RPL37A: variants seen among roughly 807,000 people sequenced by gnomAD.
The protein encoded by RPL37A is ribosomal protein L37a, also known as large ribosomal subunit protein eL43.
Under a neutral mutation model 13.6 loss-of-function variants are expected in RPL37A, and 5 were observed. The ratio of observed to expected loss-of-function variants is 0.37; its 90% CI spans 0.19 to 0.78. RPL37A has a LOEUF of 0.78. Among genes scored for constraint, RPL37A ranks in the 30% least tolerant of loss-of-function variants. The pLI is 0.49. For missense variants in RPL37A, 77 were observed against 120.0 expected, an observed-to-expected ratio of 0.64 and a Z score of 1.67; for synonymous variants, 50 against 44.4, an observed-to-expected ratio of 1.13 and a Z score of -0.50.
chr2:216,498,952 C>T lies in RPL37A; in HGVS notation c.3+75C>T, dbSNP rs371042568. 600 of 1,579,306 alleles carry T rather than the reference C, an allele frequency of 3.8e-4. 1 individual carries two copies. Among genetic ancestry groups the T allele is most frequent in the Middle Eastern group, 3.5e-3 (21 of 5,984 alleles). On this transcript the variant is annotated intron_variant, in intron 1 of 3. Transcript: ENST00000491306. ...CCTTGTTTTCTTCTCCCGCACCCAT[C>T]TCCTCTCCTGCCTTACCCCGTGTTC... is the stretch of plus-strand genomic sequence containing the variant.
In RPL37A at chr2:216,502,020, A is replaced by T. The variant is rs1456684520; in HGVS notation, c.*616A>T. On this transcript the variant is annotated 3_prime_UTR_variant, in exon 4 of 4. Coordinates refer to ENST00000491306, the MANE Select transcript of RPL37A (RefSeq NM_000998.5). ...TGTGAGCCACCACGCCCAGCCTTGC[A>T]TTTAATATTTTTATAATGTGTCTAG... is the stretch of plus-strand genomic sequence containing the variant. 1 of 152,112 alleles carries T rather than the reference A, an allele frequency of 6.6e-6. No individual in the cohort carries two copies. Among genetic ancestry groups the T allele is most frequent in the Non-Finnish European group, 1.5e-5 (1 of 68,036 alleles). The allele number at this position is 152,112 out of a possible 1,614,324, so 9.4% of individuals were successfully genotyped here. A position where few individuals can be genotyped will look rare whatever the true frequency, so the allele number is the denominator to read the frequency against.
rs761666227 is a variant in RPL37A at position 216,499,367 on chromosome 2, A to G, written c.101A>G (p.His34Arg). The part of the protein sequence containing the change: ...KMVKKIEISQ[H>R]AKYTCSFCGK... ...GTGAAGAAAATTGAAATCAGCCAGC[A>G]CGCCAAGTACACTTGCTCTTTCTGT... The change falls in exon 2 of 4, where the codon CAC becomes CGC. Residue 34 changes from histidine (H) to arginine (R), a missense_variant. Around this residue, in one of 3 missense-constraint regions of RPL37A, gnomAD observed 59 missense variants for 65.5 expected, o/e 0.90. Coordinates refer to ENST00000491306, the MANE Select transcript of RPL37A (RefSeq NM_000998.5). 1.2e-6 allele frequency: 2 copies of G among 1,614,156 alleles called. No homozygotes were observed. The highest frequency in any genetic ancestry group is 1.7e-6 in the Non-Finnish European group (2 of 1,180,018).
In RPL37A at chr2:216,500,313, A is replaced by G. The variant is rs926610250; in HGVS notation, c.215+282A>G. 21 of 455,396 alleles carry G rather than the reference A, an allele frequency of 4.6e-5. No homozygotes were observed. The Admixed American group carries it at 5.0e-4, about 11-fold the overall frequency. The allele number at this position is 455,396 out of a possible 1,614,324, so 28.2% of individuals were successfully genotyped here. A position where few individuals can be genotyped will look rare whatever the true frequency, so the allele number is the denominator to read the frequency against. ...CATTGTCATGATACTGTGCAGGTCCATTAGTGGGGCTGAATCTACTGAACG... is the reference window on the plus strand; with the variant it reads ...CATTGTCATGATACTGTGCAGGTCCGTTAGTGGGGCTGAATCTACTGAACG... On this transcript the variant is annotated intron_variant, in intron 3 of 3. Transcript: ENST00000491306.
chr2:216,499,499 C>A, intron 2 of RPL37A, 101 bp downstream of exon 2: 1 of 1,380,948 alleles, frequency 7.2e-7, no homozygotes, highest in Non-Finnish European at 9.8e-7. Flanking sequence ...TGCTGGTGGG[C>A]AGTTGGAATT....
intron 1 of RPL37A, 85 bp downstream of exon 1, chr2:216,498,962 G>A (rs1695548846): frequency 1.9e-6 from 3 of 1,558,920 alleles, no homozygotes; most frequent in Admixed American, 3.4e-5. Flanking sequence ...CTCCTCTCCT[G>A]CCTTACCCCG....
chr2:216,501,872 C>T lies in RPL37A; in HGVS notation c.*468C>T, dbSNP rs1695604363. ...AGCTGGGATTACAGGCACGCACCAC[C>T]ATACCTGGCTAATTTTTGTATTTTG... On this transcript the variant is annotated 3_prime_UTR_variant, in exon 4 of 4. Transcript: ENST00000491306. 6.5e-6 allele frequency: 1 copy of T among 154,414 alleles called. No individual in the cohort carries two copies. The highest frequency in any genetic ancestry group is 1.4e-5 in the Non-Finnish European group (1 of 69,730). 9.6% of individuals were successfully genotyped at this position (154,414 alleles called of 1,614,324 possible).
In RPL37A at chr2:216,499,449, C is replaced by A. The variant is rs772830320; in HGVS notation, c.132+51C>A. On this transcript the variant is annotated intron_variant, in intron 2 of 3. Coordinates refer to ENST00000491306, the MANE Select transcript of RPL37A (RefSeq NM_000998.5). ...GAGGAGAGGGAGGGCAGGTTTCTTA[C>A]CCAAGTGAGGCCTGACTTCAAGGTA... 46 of 1,600,586 alleles carry A rather than the reference C, an allele frequency of 2.9e-5. No individual in the cohort carries two copies. The South Asian group carries it at 5.1e-4, about 18-fold the overall frequency.
At chr2:216,499,231 TC>T in intron 1 of RPL37A, 38 bp from the exon 2 acceptor site, 1 of 1,596,642 alleles carries the variant, frequency 6.3e-7, no homozygotes, top group Non-Finnish European at 8.5e-7. Context: ...CTGCCTGGGT[TC>T]CAGGTCTATC....
At chr2:216,499,474 A>G (rs1695558871) in intron 2 of RPL37A, 76 bp downstream of exon 2, 4 of 1,550,642 alleles carry the variant, frequency 2.6e-6, no homozygotes, top group Non-Finnish European at 3.5e-6. Context: ...ACTTCAAGGT[A>G]TTTTATAAGC....
chr2:216,499,454 G>A lies in RPL37A; in HGVS notation c.132+56G>A. On this transcript the variant is annotated intron_variant, in intron 2 of 3. Coordinates refer to ENST00000491306, the MANE Select transcript of RPL37A (RefSeq NM_000998.5). ...GAGGGAGGGCAGGTTTCTTACCCAA[G>A]TGAGGCCTGACTTCAAGGTATTTTA... 3.1e-6 allele frequency: 5 copies of A among 1,595,484 alleles called. No individual in the cohort carries two copies. The Admixed American group carries it at 6.9e-5, about 22-fold the overall frequency.
intron 2 of RPL37A, 150 bp from the exon 3 acceptor site, chr2:216,499,799 C>G (rs1296344810): frequency 2.7e-6 from 2 of 749,144 alleles, no homozygotes; most frequent in Middle Eastern, 2.2e-4. Flanking sequence ...GTGCAAAATA[C>G]TGCATTACAG....
chr2:216,503,285 G>A lies in RPL37A; in HGVS notation c.*1881G>A, dbSNP rs1048027969. The A allele has an allele frequency of 3.3e-5, 5 of 152,184 alleles. No homozygotes were observed. The highest frequency in any genetic ancestry group is 2.6e-4 in the Admixed American group (4 of 15,266). 9.4% of individuals were successfully genotyped at this position (152,184 alleles called of 1,614,324 possible). ...TGCTTCAGTTTCCTGTATAATTCTT[G>A]GTAGTAGAATGGAGTATATGCTGGG... is the stretch of plus-strand genomic sequence containing the variant. On this transcript the variant is annotated 3_prime_UTR_variant, in exon 4 of 4. Coordinates refer to ENST00000491306, the MANE Select transcript of RPL37A (RefSeq NM_000998.5).
chr2:216,501,105 C>T (rs964587104), intron 3 of RPL37A: 3 of 378,328 alleles, frequency 7.9e-6, no homozygotes. Flanking sequence ...AGGCATGGCT[C>T]TTAAAGGATG....
At chr2:216,499,236 G>A (rs759764209) in intron 1 of RPL37A, 34 bp from the exon 2 acceptor site, 10 of 1,601,960 alleles carry the variant, frequency 6.2e-6, no homozygotes, top group Admixed American at 3.4e-5. Context: ...TGGGTTCCAG[G>A]TCTATCACTG....
chr2:216,501,025 A>T (rs893506946), intron 3 of RPL37A: 49 of 175,020 alleles, frequency 2.8e-4, no homozygotes, highest in East Asian at 1.9e-3. Flanking sequence ...AGTTACTTAT[A>T]AAAAAAAAAG....
At chr2:216,499,077 G>C (rs926913301) in intron 1 of RPL37A, 193 bp from the exon 2 acceptor site, 2 of 1,141,204 alleles carry the variant, frequency 1.8e-6, no homozygotes, top group Non-Finnish European at 2.5e-6. Flanking sequence ...CTCCAGCCGG[G>C]TTAACGCCGG....
rs1695599547 is a variant in RPL37A, at chr2:216,501,463, C to CA, written c.*63dup. 1.5e-5 allele frequency: 19 copies of CA among 1,242,010 alleles called. No individual in the cohort carries two copies. In the South Asian group the frequency reaches 2.4e-4, roughly 16 times the overall value. The allele number at this position is 1,242,010 out of a possible 1,614,324, so 76.9% of individuals were successfully genotyped here. ...ATAATAAATGGGTTAATTTATGTAA[C>CA]AAAATTGCCTTGGCTTGTTAACTTT... On this transcript the variant is annotated 3_prime_UTR_variant, in exon 4 of 4. Coordinates refer to ENST00000491306, the MANE Select transcript of RPL37A (RefSeq NM_000998.5).
chr2:216,500,053 A>G (rs750709420), intron 3 of RPL37A, 22 bp downstream of exon 3: 2 of 1,601,108 alleles, frequency 1.2e-6, no homozygotes, highest in Non-Finnish European at 1.7e-6. Flanking sequence ...TCCTTGTGGT[A>G]TTTGGAAGTG....
rs1384376147 is a variant in RPL37A, at chr2:216,503,025, A to AG, written c.*1625dup. ...TGTGAAGCAAGTACTGTGGGTCAGT[A>AG]GGGGTAGGACCAGGAGTGACAAGTC... is the stretch of plus-strand genomic sequence containing the variant. On this transcript the variant is annotated 3_prime_UTR_variant, in exon 4 of 4. Coordinates refer to ENST00000491306, the MANE Select transcript of RPL37A (RefSeq NM_000998.5). 5 of 152,220 alleles carry AG rather than the reference A, an allele frequency of 3.3e-5. No homozygotes were observed. Among genetic ancestry groups the AG allele is most frequent in the African/African-American group, 1.2e-4 (5 of 41,446 alleles). The allele number at this position is 152,220 out of a possible 1,614,324, so 9.4% of individuals were successfully genotyped here.
Sources: allele counts gnomAD v4.1 joint callset, GRCh38; gene constraint gnomAD v4.1.1; regional missense constraint gnomAD v4.1.1; transcripts MANE v1.5; gene names NCBI Gene and HGNC (gene_info 2026-07-23, HGNC 2026-07-21).